Variants in SHANK2 observed in about 807,000 individuals in gnomAD.
The protein encoded by SHANK2 is SH3 and multiple ankyrin repeat domains protein 2.
In SHANK2, 43 loss-of-function variants were observed where a neutral mutation model predicts 133.7. The observed-to-expected ratio is 0.32, with a 90% confidence interval of 0.25 to 0.41. The LOEUF (loss-of-function observed/expected upper bound fraction) is 0.41, where lower values mean the gene tolerates loss of function less well. SHANK2 is among the 10% of genes least tolerant of loss of function. The pLI is 1.00. For synonymous variants in SHANK2, 1,017 were observed against 952.8 expected, an observed-to-expected ratio of 1.07 and a Z score of -1.24; for missense variants, 1,994 against 2,235.8, an observed-to-expected ratio of 0.89 and a Z score of 2.18.
In SHANK2 at chr11:71,092,543, C is replaced by T; in HGVS notation, c.791G>A (p.Gly264Asp). The T allele has an allele frequency of 1.3e-6, 2 of 1,551,804 alleles. No homozygotes were observed. The highest frequency in any genetic ancestry group is 1.2e-5 in the South Asian group (1 of 84,046). Residue 264 changes from glycine to aspartate, a missense_variant, in exon 8 of 26, where the codon GGC (glycine) becomes GAC (aspartate). By Grantham distance (94) the Gly-to-Asp change is moderately conservative. Coordinates refer to ENST00000601538, the MANE Select transcript of SHANK2 (RefSeq NM_012309.5). ...GASPDYKDSY[G>D]LTPLYHTAIV... is the part of the protein sequence containing the mutation. ...GGCTGTGTGATACAGCGGGGTGAGG[C>T]CGTAACTGTCTTTATAATCTGGGGA... is the stretch of plus-strand genomic sequence containing the variant.
intron 9 of SHANK2, among the ~76,000 whole-genome samples, chr11:71,066,096 GGGTGT>G (rs1951055333): frequency 2.7e-4 from 32 of 116,824 alleles, no homozygotes; most frequent in East Asian, 7.6e-4. Flanking sequence ...TTGGTGGGGG[GGGTGT>G]GTGCAGAACT....
intron 10 of SHANK2, among the ~76,000 whole-genome samples, chr11:70,911,357 AAAAAAAC>A (rs1217617920): frequency 8.3e-4 from 124 of 149,512 alleles, no homozygotes; most frequent in African/African-American, 3.1e-3. Context: ...CTCCATCTCA[AAAAAAAC>A]AAAAAAACAA....
At chr11:71,234,233 G>A (rs1319090741) in intron 1 of SHANK2, among the ~76,000 whole-genome samples, 6 of 136,662 alleles carry the variant, frequency 4.4e-5, no homozygotes, top group Middle Eastern at 4.3e-3. Context: ...GTGGTGGTGC[G>A]TGCCTGTAAT....
At chr11:71,099,322 C>T (rs73521137) in intron 6 of SHANK2, among the ~76,000 whole-genome samples, 2,775 of 152,256 alleles carry the variant, frequency 0.018, 88 homozygotes, top group African/African-American at 0.063. Context: ...GCATCGATAT[C>T]GGTTCTCTAA....
chr11:71,153,946 G>A (rs1952851712), intron 2 of SHANK2, among the ~76,000 whole-genome samples: 1 of 152,048 alleles, frequency 6.6e-6, no homozygotes, highest in Admixed American at 6.6e-5. Context: ...CTCCAGCCTG[G>A]GCAACAGAAT....
intron 13 of SHANK2, among the ~76,000 whole-genome samples, chr11:70,799,804 T>TA (rs1948003427): frequency 1.3e-5 from 2 of 152,166 alleles, no homozygotes. Flanking sequence ...ATGTACTGGG[T>TA]ACACAGTAGG....
chr11:70,576,850 T>C (rs1413408436), intron 17 of SHANK2, among the ~76,000 whole-genome samples: 1 of 152,210 alleles, frequency 6.6e-6, no homozygotes, highest in African/African-American at 2.4e-5. Flanking sequence ...AGGGCAGTAG[T>C]GCTGCCAACT....
chr11:70,475,998 A>G (rs2058657434), intron 25 of SHANK2, among the ~76,000 whole-genome samples: 1 of 152,050 alleles, frequency 6.6e-6, no homozygotes, highest in Non-Finnish European at 1.5e-5. Flanking sequence ...TAGGTGGGTG[A>G]ATCATTTGAG....
chr11:71,071,332 G>C (rs1951138553), intron 9 of SHANK2, among the ~76,000 whole-genome samples: 1 of 152,208 alleles, frequency 6.6e-6, no homozygotes, highest in African/African-American at 2.4e-5. Context: ...CTACATCAAT[G>C]TGCTTTCTTT....
chr11:71,107,766 A>G (rs1951823140), intron 6 of SHANK2, among the ~76,000 whole-genome samples: 1 of 152,198 alleles, frequency 6.6e-6, no homozygotes, highest in African/African-American at 2.4e-5. Flanking sequence ...TTGAGAGTCT[A>G]TTCTGGAATA....
intron 8 of SHANK2, among the ~76,000 whole-genome samples, chr11:71,088,618 C>G (rs1276816473): frequency 3.0e-4 from 46 of 152,184 alleles, no homozygotes; most frequent in Admixed American, 3.0e-3. Flanking sequence ...TGTGGGTGTT[C>G]AGGGTTCCAT....
intron 5 of SHANK2, among the ~76,000 whole-genome samples, chr11:71,110,834 C>T (rs1951881687): frequency 6.6e-6 from 1 of 152,208 alleles, no homozygotes; most frequent in Non-Finnish European, 1.5e-5. Context: ...GTGTGTGTCC[C>T]CGCAAAATTC....
At chr11:71,089,620 G>A (rs1441399694) in intron 8 of SHANK2, among the ~76,000 whole-genome samples, 1 of 152,004 alleles carries the variant, frequency 6.6e-6, no homozygotes, top group Non-Finnish European at 1.5e-5. Flanking sequence ...TGTGGCTGAT[G>A]AGCACCCATT....
At chr11:70,553,153 C>T (rs542613328) in intron 17 of SHANK2, among the ~76,000 whole-genome samples, 5 of 151,822 alleles carry the variant, frequency 3.3e-5, no homozygotes, top group South Asian at 4.2e-4. Context: ...AGTGCAGTGG[C>T]GCGATCTCGT....
chr11:70,536,084 G>C (rs141937179), intron 17 of SHANK2, among the ~76,000 whole-genome samples: 1 of 152,304 alleles, frequency 6.6e-6, no homozygotes, highest in East Asian at 1.9e-4. Context: ...CCCAGCCACC[G>C]ACAGCACCAT....
At chr11:70,672,602 C>T (rs1944834061) in intron 15 of SHANK2, among the ~76,000 whole-genome samples, 1 of 152,254 alleles carries the variant, frequency 6.6e-6, no homozygotes, top group Non-Finnish European at 1.5e-5. Context: ...CCCTGGGTCA[C>T]CTCCAGAGAT....
intron 10 of SHANK2, among the ~76,000 whole-genome samples, chr11:70,906,196 G>A (rs925163241): frequency 6.6e-6 from 1 of 152,186 alleles, no homozygotes; most frequent in East Asian, 1.9e-4. Context: ...CCCAGGCTCC[G>A]ACAAGGTGCC....
intron 17 of SHANK2, among the ~76,000 whole-genome samples, chr11:70,653,844 T>C (rs990634238): frequency 6.6e-6 from 1 of 151,998 alleles, no homozygotes; most frequent in Non-Finnish European, 1.5e-5. Flanking sequence ...ATGTTGGCCA[T>C]GCTGGTCTCG....
At chr11:70,880,814 A>G (rs575618412) in intron 11 of SHANK2, among the ~76,000 whole-genome samples, 14 of 152,342 alleles carry the variant, frequency 9.2e-5, no homozygotes, top group African/African-American at 3.1e-4. Context: ...CCACCTGTGG[A>G]TAGGCATCCT....
Sources: gnomAD v4.1 joint callset for allele counts (sites outside exome capture counted in the v4.1 genomes callset) on GRCh38, gnomAD v4.1.1 for gene constraint, MANE v1.5 for transcripts, NCBI Gene and HGNC (gene_info 2026-07-23, HGNC 2026-07-21) for gene names.